The following HTR1F variants were observed in gnomAD, a reference collection of about 807,000 sequenced individuals.
HTR1F encodes the protein 5-hydroxytryptamine (serotonin) receptor 1F, G protein-coupled.
In HTR1F, 17 loss-of-function variants were observed where a neutral mutation model predicts 24.0. That is an observed-to-expected ratio of 0.71 (90% CI 0.48 to 1.06). HTR1F has a LOEUF of 1.06. Ranked by LOEUF, HTR1F falls within the 50% of genes least tolerant of loss-of-function variation. The pLI, the probability that HTR1F is intolerant of heterozygous loss-of-function variation, is 0.00. For missense variants in HTR1F, 391 were observed against 427.8 expected, an observed-to-expected ratio of 0.91 and a Z score of 0.76; for synonymous variants, 186 against 156.8, an observed-to-expected ratio of 1.19 and a Z score of -1.39.
At chr3:87,793,629 G>A (rs1346240687) in intron 1 of HTR1F, 1 of 152,092 alleles carries the variant, frequency 6.6e-6, no homozygotes, top group Non-Finnish European at 1.5e-5. Flanking sequence ...GGGATGAGTA[G>A]AAAAAATGCA....
Position 87,991,842 on chromosome 3 carries a change from C to G in HTR1F, c.1093C>G (p.Arg365Gly). Residue 365 changes from arginine (R) to glycine (G), a missense_variant, in exon 3 of 3, where the codon CGA becomes GGA. Arg to Gly is a moderately radical substitution (Grantham distance 125). Transcript: ENST00000319595. Reference sequence around the variant, plus strand: ...AGCATTCCAAAAGCTTGTGCGATGTCGATGTTAGTTTTAAAAATGTTTATT... The same window carrying G: ...AGCATTCCAAAAGCTTGTGCGATGTGGATGTTAGTTTTAAAAATGTTTATT... The part of the protein sequence containing the change: ...KKAFQKLVRC[R>G]C 1 of 1,555,836 alleles carries G rather than the reference C, an allele frequency of 6.4e-7. No individual in the cohort carries two copies.
chr3:87,977,804 C>A (rs575818936), intron 2 of HTR1F, among the ~76,000 whole-genome samples: 1 of 152,136 alleles, frequency 6.6e-6, no homozygotes, highest in South Asian at 2.1e-4. Context: ...ATGAATTTTT[C>A]TTGAAATCTA....
intron 2 of HTR1F, among the ~76,000 whole-genome samples, chr3:87,963,138 CCTT>C (rs1705096869): frequency 6.6e-6 from 1 of 151,980 alleles, no homozygotes; most frequent in Non-Finnish European, 1.5e-5. Flanking sequence ...ACATTTTTAA[CCTT>C]CTGGTCAAAT....
At chr3:87,990,433 G>C (rs185675896) in intron 2 of HTR1F, among the ~76,000 whole-genome samples, 1 of 152,118 alleles carries the variant, frequency 6.6e-6, no homozygotes, top group Non-Finnish European at 1.5e-5. Flanking sequence ...TAATGGCAGA[G>C]ATTTCACTGA....
chr3:87,943,780 C>G (rs933700748), intron 2 of HTR1F, among the ~76,000 whole-genome samples: 2 of 152,154 alleles, frequency 1.3e-5, no homozygotes, highest in African/African-American at 4.8e-5. Context: ...CTCAGGAGGC[C>G]GGGTTTCTCC....
chr3:87,794,509 G>A (rs1260093963), intron 1 of HTR1F, among the ~76,000 whole-genome samples: 3 of 152,200 alleles, frequency 2.0e-5, no homozygotes, highest in Admixed American at 1.3e-4. Context: ...TAACTTAGGA[G>A]TTCCTATGAA....
chr3:87,817,145 T>G (rs1243416382), intron 1 of HTR1F, among the ~76,000 whole-genome samples: 1 of 152,164 alleles, frequency 6.6e-6, no homozygotes, highest in African/African-American at 2.4e-5. Context: ...CTGGATTTCC[T>G]ATCTTTATTA....
chr3:87,990,908 G>A lies in HTR1F; in HGVS notation c.159G>A (p.Lys53=), dbSNP rs1232084686. The A allele has an allele frequency of 6.2e-7, 1 of 1,614,162 alleles. No individual in the cohort carries two copies. Among genetic ancestry groups the A allele is most frequent in the Non-Finnish European group, 8.5e-7 (1 of 1,180,030 alleles). The change falls in exon 3 of 3, where the codon AAG becomes AAA. Residue 53 remains lysine (K), a synonymous_variant. Coordinates refer to ENST00000319595, the MANE Select transcript of HTR1F (RefSeq NM_001322209.2). The part of the protein sequence containing the change: ...LVIAAIIVTR[K]LHHPANYLIC... ...TCGCTGCAATTATTGTGACCCGGAA[G>A]CTGCACCATCCAGCCAATTATTTAA...
chr3:87,906,760 T>C (rs1483184515), intron 2 of HTR1F, among the ~76,000 whole-genome samples: 1 of 151,914 alleles, frequency 6.6e-6, no homozygotes, highest in East Asian at 1.9e-4. Flanking sequence ...CCTCATAGCT[T>C]AGCCCCCACT....
chr3:87,825,769 A>C (rs555947983), intron 2 of HTR1F, among the ~76,000 whole-genome samples: 1 of 152,300 alleles, frequency 6.6e-6, no homozygotes, highest in East Asian at 1.9e-4. Context: ...CCCTGAAAGC[A>C]AAATGGTTGT....
intron 2 of HTR1F, among the ~76,000 whole-genome samples, chr3:87,979,147 G>GGGAGGGAGGAAGGGAGGGAC (rs1705487272): frequency 7.3e-6 from 1 of 136,906 alleles, no homozygotes; most frequent in African/African-American, 2.7e-5. Context: ...GAGGGAGGGA[G>GGGAGGGAGGAAGGGAGGGAC]ATGGGAAAGA....
chr3:87,903,461 A>T (rs1444766902), intron 2 of HTR1F, among the ~76,000 whole-genome samples: 1 of 151,890 alleles, frequency 6.6e-6, no homozygotes, highest in African/African-American at 2.4e-5. Flanking sequence ...AAAAGTGGGC[A>T]AAGGACATGA....
intron 2 of HTR1F, among the ~76,000 whole-genome samples, chr3:87,881,777 T>C (rs1705807995): frequency 6.6e-6 from 1 of 152,120 alleles, no homozygotes. Context: ...ACCTAGGCAA[T>C]ACCATTCAGG....
intron 2 of HTR1F, among the ~76,000 whole-genome samples, chr3:87,837,839 G>C (rs73145256): frequency 0.076 from 11,521 of 151,844 alleles, 524 homozygotes; most frequent in Middle Eastern, 0.12. Context: ...CTTGACTTTA[G>C]ACAATAAAAT....
At chr3:87,925,326 T>C (rs1054367199) in intron 2 of HTR1F, among the ~76,000 whole-genome samples, 1 of 152,128 alleles carries the variant, frequency 6.6e-6, no homozygotes, top group Non-Finnish European at 1.5e-5. Flanking sequence ...TGGAGGCTGT[T>C]GTGGGTGCTG....
intron 2 of HTR1F, among the ~76,000 whole-genome samples, chr3:87,917,908 A>G (rs1003752241): frequency 6.6e-6 from 1 of 152,038 alleles, no homozygotes; most frequent in Non-Finnish European, 1.5e-5. Context: ...CCAGTAAAGG[A>G]CATAACCAAA....
intron 2 of HTR1F, among the ~76,000 whole-genome samples, chr3:87,886,035 A>G (rs1168881246): frequency 6.6e-6 from 1 of 152,072 alleles, no homozygotes; most frequent in Admixed American, 6.6e-5. Flanking sequence ...GAGACACGAC[A>G]AAAAAAGACA....
rs1261216482 is a variant in HTR1F at position 87,991,071 on chromosome 3, A to C, written c.322A>C (p.Thr108Pro). ...IWLSVDITCCTCSILHLSAIA... is the reference protein window; with the variant it reads ...IWLSVDITCCPCSILHLSAIA... ...GCTGAGTGTTGACATTACCTGCTGC[A>C]CGTGCTCCATCTTGCATCTCTCAGC... Residue 108 changes from threonine (T) to proline (P), a missense_variant, in exon 3 of 3, where the codon ACG (threonine) becomes CCG (proline). Physicochemically the swap from Thr to Pro is conservative, Grantham distance 38. Transcript: ENST00000319595. The C allele has an allele frequency of 6.2e-7, 1 of 1,613,968 alleles. No homozygotes were observed. The highest frequency in any genetic ancestry group is 8.5e-7 in the Non-Finnish European group (1 of 1,180,026).
chr3:87,912,274 C>T (rs965862963), intron 2 of HTR1F, among the ~76,000 whole-genome samples: 18 of 151,186 alleles, frequency 1.2e-4, no homozygotes, highest in African/African-American at 2.7e-4. Flanking sequence ...TATAAACCAA[C>T]GACAGCCAAG....
Sources: allele counts gnomAD v4.1 joint callset (sites outside exome capture counted in the v4.1 genomes callset), GRCh38; gene constraint gnomAD v4.1.1; transcripts MANE v1.5; gene names NCBI Gene and HGNC (gene_info 2026-07-23, HGNC 2026-07-21).